The following DLC1 variants were observed in gnomAD, a reference collection of about 807,000 sequenced individuals.
DLC1 encodes the protein DLC1 Rho GTPase activating protein.
A neutral mutation model predicts 140.3 loss-of-function variants in DLC1; 54 were observed. That is an observed-to-expected ratio of 0.38 (90% CI 0.31 to 0.48). The LOEUF (loss-of-function observed/expected upper bound fraction) is 0.48, where lower values mean the gene tolerates loss of function less well. Ranked by LOEUF, DLC1 falls within the 20% of genes least tolerant of loss-of-function variation. The pLI is 0.96. For missense variants in DLC1, 2,536 were observed against 1,907.0 expected (o/e 1.33, Z -6.14); for synonymous variants, 986 against 728.1 (o/e 1.35, Z -5.70).
chr8:13,576,058 C>T (rs758289863), intron 1 of DLC1, among the ~76,000 whole-genome samples: 6 of 152,104 alleles, frequency 3.9e-5, no homozygotes, highest in Non-Finnish European at 8.8e-5. Context: ...CCAATTGTTG[C>T]CCAAATTGAG....
intron 2 of DLC1, among the ~76,000 whole-genome samples, chr8:13,445,712 A>T (rs2116943142): frequency 6.6e-6 from 1 of 152,328 alleles, no homozygotes; most frequent in Middle Eastern, 3.4e-3. Flanking sequence ...CCTACCCTGA[A>T]GTACAACAGC....
intron 5 of DLC1, among the ~76,000 whole-genome samples, chr8:13,186,391 A>T (rs1051925223): frequency 3.3e-5 from 5 of 151,918 alleles, no homozygotes; most frequent in Admixed American, 6.6e-5. Context: ...ACTTTATTTC[A>T]TTAATTTGAT....
intron 5 of DLC1, among the ~76,000 whole-genome samples, chr8:13,271,381 A>G (rs985433168): frequency 2.6e-5 from 4 of 152,208 alleles, no homozygotes; most frequent in African/African-American, 4.8e-5. Flanking sequence ...CTTCCTTGGA[A>G]GTGGGCCAGA....
rs145466180 is a variant in DLC1 at position 13,338,187 on chromosome 8, A to G, written c.1315-32885T>C. Among the ~76,000 whole-genome samples the G allele has an allele frequency of 1.3e-3, 197 of 152,338 alleles. 7 individuals are homozygous for G. In the East Asian group the frequency reaches 0.032, roughly 25 times the overall value. Reference sequence around the variant, plus strand: ...ACACTTGGTTGTTCTTTCCCTTAGAATCCACCTCTTGGGGACTGGGATGAT... The same window carrying G: ...ACACTTGGTTGTTCTTTCCCTTAGAGTCCACCTCTTGGGGACTGGGATGAT... On this transcript the variant is annotated intron_variant, in intron 4 of 17. Coordinates refer to ENST00000276297, the MANE Select transcript of DLC1 (RefSeq NM_182643.3).
chr8:13,115,674 G>A lies in DLC1; in HGVS notation c.1349-17C>T. 6.2e-7 allele frequency: 1 copy of A among 1,611,730 alleles called. No individual in the cohort carries two copies. The highest frequency in any genetic ancestry group is 2.2e-5 in the East Asian group (1 of 44,830). On this transcript the variant is annotated splice_polypyrimidine_tract_variant and intron_variant, in intron 5 of 17. Coordinates refer to ENST00000276297, the MANE Select transcript of DLC1 (RefSeq NM_182643.3). ...CTTCAATTTCTAGAACAGAACAGAA[G>A]AAAGACAAAATTAGCCATGTGTACC...
At chr8:13,459,444 C>A (rs774339944) in intron 2 of DLC1, among the ~76,000 whole-genome samples, 28 of 151,988 alleles carry the variant, frequency 1.8e-4, no homozygotes, top group Non-Finnish European at 3.4e-4. Context: ...AGGTTTTTTC[C>A]CTCTCCTTCC....
chr8:13,575,037 C>T (rs1243512945), intron 1 of DLC1, among the ~76,000 whole-genome samples: 1 of 152,130 alleles, frequency 6.6e-6, no homozygotes, highest in East Asian at 1.9e-4. Flanking sequence ...ATTTGAGAAA[C>T]ACAAAATGAA....
chr8:13,086,240 A>G, intron 17 of DLC1, 50 bp downstream of exon 17: 1 of 1,572,770 alleles, frequency 6.4e-7, no homozygotes, highest in Non-Finnish European at 8.6e-7. Context: ...AAAAAGTCAG[A>G]ATTTCCTTCA....
upstream of DLC1, among the ~76,000 whole-genome samples, chr8:13,517,478 A>C (rs1013065828): frequency 6.6e-5 from 10 of 152,160 alleles, no homozygotes; most frequent in African/African-American, 2.4e-4. Context: ...TTAATTACTT[A>C]TATTTATTTT....
chr8:13,417,509 T>C (rs1419927350), intron 2 of DLC1, among the ~76,000 whole-genome samples: 2 of 151,766 alleles, frequency 1.3e-5, no homozygotes, highest in Non-Finnish European at 2.9e-5. Flanking sequence ...TGATTTCCAA[T>C]TTCATCCATG....
At chr8:13,385,138 T>C (rs926297051) in intron 4 of DLC1, among the ~76,000 whole-genome samples, 2 of 152,136 alleles carry the variant, frequency 1.3e-5, no homozygotes, top group Admixed American at 6.6e-5. Flanking sequence ...TATTTGGTTA[T>C]TAGTGCTTGT....
At chr8:13,346,944 G>A (rs1261372246) in intron 4 of DLC1, among the ~76,000 whole-genome samples, 1 of 152,214 alleles carries the variant, frequency 6.6e-6, no homozygotes, top group Admixed American at 6.5e-5. Context: ...AGTGAGTACA[G>A]TCAAGATATT....
intron 5 of DLC1, among the ~76,000 whole-genome samples, chr8:13,259,953 A>G (rs189959451): frequency 6.6e-6 from 1 of 152,344 alleles, no homozygotes; most frequent in Admixed American, 6.5e-5. Flanking sequence ...GGACATCAGT[A>G]AAGGTTGAGA....
chr8:13,456,674 G>A (rs1375226445), intron 2 of DLC1, among the ~76,000 whole-genome samples: 1 of 152,100 alleles, frequency 6.6e-6, no homozygotes, highest in Non-Finnish European at 1.5e-5. Context: ...GGCCAGGCTG[G>A]TTTTGAACTC....
chr8:13,094,097 C>A (rs1041087793), intron 12 of DLC1, among the ~76,000 whole-genome samples: 4 of 152,136 alleles, frequency 2.6e-5, no homozygotes, highest in African/African-American at 9.7e-5. Context: ...TGTGAAGCAA[C>A]TGAAATTTCT....
intron 5 of DLC1, among the ~76,000 whole-genome samples, chr8:13,269,011 C>G (rs1269858883): frequency 5.9e-5 from 9 of 151,562 alleles, no homozygotes; most frequent in African/African-American, 2.2e-4. Context: ...GTAGCTGGGA[C>G]TAAAGGCACC....
At chr8:13,534,119 A>T (rs1803189874) in intron 1 of DLC1, among the ~76,000 whole-genome samples, 1 of 152,096 alleles carries the variant, frequency 6.6e-6, no homozygotes, top group Admixed American at 6.6e-5. Context: ...ATTTCCCTCC[A>T]ATCTGTTTAG....
At chr8:13,321,032 A>C (rs1318715070) in intron 4 of DLC1, among the ~76,000 whole-genome samples, 5 of 152,160 alleles carry the variant, frequency 3.3e-5, no homozygotes, top group Non-Finnish European at 7.3e-5. Context: ...TACAGCCCGC[A>C]GAACCATGAG....
chr8:13,087,979 C>T (rs1295496619), intron 16 of DLC1, among the ~76,000 whole-genome samples: 1 of 152,190 alleles, frequency 6.6e-6, no homozygotes, highest in Non-Finnish European at 1.5e-5. Flanking sequence ...AGCTCAGTTA[C>T]CAAAGAGTTC....
Sources: allele counts gnomAD v4.1 joint callset (sites outside exome capture counted in the v4.1 genomes callset), GRCh38; gene constraint gnomAD v4.1.1; transcripts MANE v1.5; gene names NCBI Gene and HGNC (gene_info 2026-07-23, HGNC 2026-07-21).